Variants in KCNAB1 observed in about 807,000 individuals in gnomAD.
KCNAB1 encodes voltage-gated potassium channel subunit beta-1.
Under a neutral mutation model 64.6 loss-of-function variants are expected in KCNAB1, and 35 were observed. The ratio of observed to expected loss-of-function variants is 0.54; its 90% CI spans 0.41 to 0.72. The LOEUF is 0.72. KCNAB1 is among the 30% of genes least tolerant of loss of function. The probability of loss-of-function intolerance (pLI) is 0.00; values close to 1 mark genes in which losing one functional copy is unlikely to be tolerated. For missense variants in KCNAB1, 401 were observed against 512.9 expected (o/e 0.78, Z 2.11); for synonymous variants, 177 against 183.8 (o/e 0.96, Z 0.30).
chr3:156,159,273 A>G (rs975291786), intron 1 of KCNAB1, among the ~76,000 whole-genome samples: 1 of 151,988 alleles, frequency 6.6e-6, no homozygotes, highest in Non-Finnish European at 1.5e-5. Context: ...TAAAACTCTG[A>G]CTTCTTAGGG....
chr3:156,505,890 T>C (rs1169857146), intron 8 of KCNAB1, among the ~76,000 whole-genome samples: 1 of 152,044 alleles, frequency 6.6e-6, no homozygotes, highest in Non-Finnish European at 1.5e-5. Flanking sequence ...AACAACCAGC[T>C]CTCATGTGAA....
chr3:156,387,662 A>G (rs1164206320), intron 1 of KCNAB1, among the ~76,000 whole-genome samples: 1 of 152,206 alleles, frequency 6.6e-6, no homozygotes, highest in Admixed American at 6.5e-5. Context: ...CACCAGTGTA[A>G]GTAGAAAAAT....
intron 1 of KCNAB1, among the ~76,000 whole-genome samples, chr3:156,341,011 A>T (rs1226904967): frequency 6.6e-6 from 1 of 152,216 alleles, no homozygotes; most frequent in Admixed American, 6.5e-5. Context: ...AAGAAAAGAG[A>T]CACTCCTCCT....
intron 8 of KCNAB1, among the ~76,000 whole-genome samples, chr3:156,505,068 TTTGGG>T (rs1428303606): frequency 6.6e-6 from 1 of 152,172 alleles, no homozygotes; most frequent in African/African-American, 2.4e-5. Context: ...TTTAATCCAT[TTTGGG>T]TTGATTTTTG....
chr3:156,165,033 C>G (rs1409984543), intron 1 of KCNAB1, among the ~76,000 whole-genome samples: 1 of 152,052 alleles, frequency 6.6e-6, no homozygotes, highest in Non-Finnish European at 1.5e-5. Context: ...AATCCCAGCA[C>G]TTTGGGAGGC....
chr3:156,368,198 G>A (rs1032042585), intron 1 of KCNAB1, among the ~76,000 whole-genome samples: 1 of 152,112 alleles, frequency 6.6e-6, no homozygotes, highest in Non-Finnish European at 1.5e-5. Context: ...ATTAAAAAAT[G>A]TATCCGTGAT....
chr3:156,480,851 G>C (rs1714744721), intron 8 of KCNAB1, among the ~76,000 whole-genome samples: 1 of 152,094 alleles, frequency 6.6e-6, no homozygotes, highest in Non-Finnish European at 1.5e-5. Context: ...TTCCCAGTCT[G>C]ACAGAGCCGC....
chr3:156,457,389 C>A, intron 3 of KCNAB1, 64 bp from the exon 4 acceptor site: 2 of 1,609,936 alleles, frequency 1.2e-6, no homozygotes, highest in South Asian at 2.2e-5. Flanking sequence ...GTAGAGGACT[C>A]AAAGTTGCTT....
chr3:156,482,527 C>T (rs561990211), intron 8 of KCNAB1, among the ~76,000 whole-genome samples: 12 of 151,614 alleles, frequency 7.9e-5, no homozygotes, highest in African/African-American at 2.7e-4. Context: ...GTTAGGATGA[C>T]CTAATAGGAG....
At chr3:156,492,939 G>A (rs1715741077) in intron 8 of KCNAB1, among the ~76,000 whole-genome samples, 1 of 152,132 alleles carries the variant, frequency 6.6e-6, no homozygotes, top group Non-Finnish European at 1.5e-5. Context: ...TCAAGGGACT[G>A]CTGCTTTTTG....
At chr3:156,501,600 T>A (rs567952435) in intron 8 of KCNAB1, among the ~76,000 whole-genome samples, 3 of 151,972 alleles carry the variant, frequency 2.0e-5, no homozygotes, top group South Asian at 2.1e-4. Flanking sequence ...CCTGGCTAAT[T>A]ACTGTATTTT....
intron 2 of KCNAB1, among the ~76,000 whole-genome samples, chr3:156,447,512 C>T (rs1011306472): frequency 2.0e-5 from 3 of 152,084 alleles, no homozygotes. Flanking sequence ...ATTATAATTG[C>T]ATTTACATAT....
rs551330622 is a variant in KCNAB1, at chr3:156,186,914, T to G, written c.275+66028T>G. On this transcript the variant is annotated intron_variant, in intron 1 of 13. Transcript: ENST00000490337. ...TTGCCCAGGCTGGAGTGCAATGGTG[T>G]GATCAGAGCTCACTGTAGCCTCTAC... Among the ~76,000 whole-genome samples, 364 of 151,488 alleles carry G rather than the reference T, an allele frequency of 2.4e-3. 2 individuals are homozygous for G. The highest frequency in any genetic ancestry group is 8.2e-3 in the African/African-American group (337 of 41,254).
chr3:156,175,732 A>T (rs1712324692), intron 1 of KCNAB1: 2 of 546,602 alleles, frequency 3.7e-6, no homozygotes, highest in South Asian at 3.2e-5. Context: ...GAATATGGCC[A>T]CCACCTCCTC....
intron 1 of KCNAB1, among the ~76,000 whole-genome samples, chr3:156,122,350 G>A (rs144834383): frequency 7.1e-4 from 108 of 152,272 alleles, no homozygotes; most frequent in Non-Finnish European, 1.4e-3. Context: ...GTTTTCTTCC[G>A]TAACATTTTC....
chr3:156,269,904 C>T lies in KCNAB1; in HGVS notation c.275+149018C>T, dbSNP rs568798397. ...GCATTTCTTGCAGGCAACAGATGACCGGGGCTTGCTTTTTTTTTTTTTTTT... is the reference window on the plus strand; with the variant it reads ...GCATTTCTTGCAGGCAACAGATGACTGGGGCTTGCTTTTTTTTTTTTTTTT... On this transcript the variant is annotated intron_variant, in intron 1 of 13. Coordinates refer to ENST00000490337, the MANE Select transcript of KCNAB1 (RefSeq NM_172160.3). Among the ~76,000 whole-genome samples, 177 of 147,234 alleles carry T rather than the reference C, an allele frequency of 1.2e-3. 1 individual carries two copies. Among genetic ancestry groups the T allele is most frequent in the African/African-American group, 4.1e-3 (165 of 39,770 alleles).
intron 8 of KCNAB1, among the ~76,000 whole-genome samples, chr3:156,505,854 G>A (rs1212885075): frequency 1.3e-5 from 2 of 152,032 alleles, no homozygotes; most frequent in African/African-American, 2.4e-5. Flanking sequence ...AAGAGAGAGA[G>A]AAAAGGGAGA....
intron 1 of KCNAB1, among the ~76,000 whole-genome samples, chr3:156,318,131 C>A (rs1722400381): frequency 1.3e-5 from 2 of 152,150 alleles, no homozygotes. Flanking sequence ...GGGTGTCTTT[C>A]TTTCTTTCTT....
At position 156,508,898 on chromosome 3, in the gene KCNAB1, G is replaced by T. The variant is rs564611927; in HGVS notation, c.659-5466G>T. ...TGATTATTTCAACCTGGAAAGGAGCGCAGAGGGAGGACTTAACAAAGTCTT... is the reference window on the plus strand; with the variant it reads ...TGATTATTTCAACCTGGAAAGGAGCTCAGAGGGAGGACTTAACAAAGTCTT... On this transcript the variant is annotated intron_variant, in intron 8 of 13. Coordinates refer to ENST00000490337, the MANE Select transcript of KCNAB1 (RefSeq NM_172160.3). This position sits in a 1 kb window ranked among gnomAD's most constrained non-coding sequence, Gnocchi z 4.1. 2.5e-4 allele frequency among the ~76,000 whole-genome samples: 38 copies of T among 152,280 alleles called. No homozygotes were observed. The highest frequency in any genetic ancestry group is 6.8e-3 in the Middle Eastern group (2 of 294).
Sources: gnomAD v4.1 joint callset for allele counts (sites outside exome capture counted in the v4.1 genomes callset) on GRCh38, gnomAD v4.1.1 for gene constraint, Gnocchi (gnomAD v3.1) non-coding constraint, MANE v1.5 for transcripts, NCBI Gene and HGNC (gene_info 2026-07-23, HGNC 2026-07-21) for gene names.